PPARGC1B: variants seen among roughly 807,000 people sequenced by gnomAD.
The protein encoded by PPARGC1B is peroxisome proliferator-activated receptor gamma coactivator 1-beta.
In PPARGC1B, 34 loss-of-function variants were observed where a neutral mutation model predicts 101.6. The observed-to-expected ratio is 0.33, with a 90% CI of 0.25 to 0.45. The LOEUF (loss-of-function observed/expected upper bound fraction) is 0.45, where lower values mean the gene tolerates loss of function less well. Among genes scored for constraint, PPARGC1B ranks in the 20% least tolerant of loss-of-function variants. The probability of loss-of-function intolerance (pLI) is 1.00; values close to 1 mark genes in which losing one functional copy is unlikely to be tolerated. For missense variants in PPARGC1B, 1,234 were observed against 1,317.6 expected, an observed-to-expected ratio of 0.94 and a Z score of 0.98; for synonymous variants, 548 against 539.3, an observed-to-expected ratio of 1.02 and a Z score of -0.22.
At chr5:149,734,265 T>G (rs184244498) in intron 1 of PPARGC1B, among the ~76,000 whole-genome samples, 1 of 134,050 alleles carries the variant, frequency 7.5e-6, no homozygotes, top group Admixed American at 9.4e-5. Flanking sequence ...GAGGTTGCAG[T>G]GAGCCGAGAT....
At chr5:149,757,726 C>T (rs1380631899) in intron 1 of PPARGC1B, among the ~76,000 whole-genome samples, 1 of 152,182 alleles carries the variant, frequency 6.6e-6, no homozygotes, top group African/African-American at 2.4e-5. Context: ...AACTGGGTTG[C>T]TTAATGAAAG....
chr5:149,752,559 C>T (rs777205722), intron 1 of PPARGC1B, among the ~76,000 whole-genome samples: 3 of 152,052 alleles, frequency 2.0e-5, no homozygotes, highest in East Asian at 1.9e-4. Flanking sequence ...CCAGGCGTGG[C>T]GGCTCACGCC....
chr5:149,752,769 C>T (rs1755364470), intron 1 of PPARGC1B, among the ~76,000 whole-genome samples: 1 of 152,160 alleles, frequency 6.6e-6, no homozygotes, highest in South Asian at 2.1e-4. Context: ...ACGGAGGTTG[C>T]AGTGAGCCAA....
intron 1 of PPARGC1B, among the ~76,000 whole-genome samples, chr5:149,779,837 A>G (rs1257278662): frequency 6.6e-6 from 1 of 152,182 alleles, no homozygotes; most frequent in Non-Finnish European, 1.5e-5. Context: ...GTTGCCCAGG[A>G]TGTATCCGGG....
At chr5:149,847,187 T>C in intron 11 of PPARGC1B, 1 of 574,372 alleles carries the variant, frequency 1.7e-6, no homozygotes, top group Non-Finnish European at 3.2e-6. Flanking sequence ...TGTAGGGTGT[T>C]GGAGCTAGAA....
intron 1 of PPARGC1B, among the ~76,000 whole-genome samples, chr5:149,788,928 G>T (rs1157888125): frequency 6.6e-6 from 1 of 152,162 alleles, no homozygotes; most frequent in African/African-American, 2.4e-5. Context: ...GCCTGTTGTG[G>T]GGTGGGAGGA....
rs1408945509 is a variant in PPARGC1B at position 149,842,491 on chromosome 5, A to G, written c.2816+114A>G. The G allele has an allele frequency of 1.9e-5, 28 of 1,460,232 alleles. No homozygotes were observed. The South Asian group carries it at 3.2e-4, about 17-fold the overall frequency. 90.5% of individuals were successfully genotyped at this position (1,460,232 alleles called of 1,614,324 possible). A position where few individuals can be genotyped will look rare whatever the true frequency, so the allele number is the denominator to read the frequency against. ...TTGTGAAATGAATCTGACAAAATCCATAGCCTAGATGTGGAAAGCCAGGCC... is the reference window on the plus strand; with the variant it reads ...TTGTGAAATGAATCTGACAAAATCCGTAGCCTAGATGTGGAAAGCCAGGCC... On this transcript the variant is annotated intron_variant, in intron 10 of 11. Transcript: ENST00000309241.
At chr5:149,734,869 T>A (rs1754640634) in intron 1 of PPARGC1B, among the ~76,000 whole-genome samples, 1 of 152,202 alleles carries the variant, frequency 6.6e-6, no homozygotes, top group Non-Finnish European at 1.5e-5. Flanking sequence ...CCCCATATGA[T>A]CATGGGTGAC....
At chr5:149,823,534 G>A (rs978954588) in intron 2 of PPARGC1B, among the ~76,000 whole-genome samples, 1 of 152,130 alleles carries the variant, frequency 6.6e-6, no homozygotes, top group African/African-American at 2.4e-5. Flanking sequence ...GAAGACTGGG[G>A]GTGGGGCTGA....
At chr5:149,847,274 G>A (rs1013861151) in intron 11 of PPARGC1B, 184 bp from the exon 12 acceptor site, 10 of 727,792 alleles carry the variant, frequency 1.4e-5, no homozygotes, top group Non-Finnish European at 2.6e-5. Context: ...TGATACCATG[G>A]CCAAGATGTC....
chr5:149,769,810 G>A (rs919587691), intron 1 of PPARGC1B, among the ~76,000 whole-genome samples: 8 of 152,076 alleles, frequency 5.3e-5, no homozygotes. Flanking sequence ...TTGGCTTGTG[G>A]CCCCTTCACT....
chr5:149,783,137 C>A (rs565796756), intron 1 of PPARGC1B, among the ~76,000 whole-genome samples: 5 of 152,040 alleles, frequency 3.3e-5, no homozygotes, highest in Admixed American at 6.5e-5. Context: ...GCCTTCTTCA[C>A]CCCTGGGCCA....
intron 4 of PPARGC1B, among the ~76,000 whole-genome samples, chr5:149,831,216 G>T (rs1166214081): frequency 6.6e-6 from 1 of 152,202 alleles, no homozygotes; most frequent in Non-Finnish European, 1.5e-5. Flanking sequence ...GCTGGTTGTG[G>T]AGGCCACAGT....
At chr5:149,756,197 C>T (rs1581017589) in intron 1 of PPARGC1B, among the ~76,000 whole-genome samples, 1 of 152,078 alleles carries the variant, frequency 6.6e-6, no homozygotes, top group East Asian at 1.9e-4. Context: ...TGTGGAGGCT[C>T]ACACCTGTAA....
intron 1 of PPARGC1B, among the ~76,000 whole-genome samples, chr5:149,784,717 G>A (rs1024151917): frequency 1.3e-5 from 2 of 151,816 alleles, no homozygotes; most frequent in Admixed American, 1.3e-4. Flanking sequence ...ACAGGCGCCC[G>A]CCACCACGCC....
intron 1 of PPARGC1B, among the ~76,000 whole-genome samples, chr5:149,770,533 A>G (rs184822443): frequency 6.6e-6 from 1 of 152,308 alleles, no homozygotes; most frequent in East Asian, 1.9e-4. Context: ...TCTTAGGCTC[A>G]ATTTCTTTAC....
rs1238275791 is a variant in PPARGC1B, at chr5:149,837,453, A to G, written c.2618+380A>G. On this transcript the variant is annotated intron_variant, in intron 8 of 11. Coordinates refer to ENST00000309241, the MANE Select transcript of PPARGC1B (RefSeq NM_133263.4). This position sits in a 1 kb window ranked among gnomAD's most constrained non-coding sequence, Gnocchi z 4.2. ...TTTGTGCAAACATACCTGCCCCAAC[A>G]GTTTGAATTCTAGGGATGTTTATAA... Among the ~76,000 whole-genome samples the G allele has an allele frequency of 6.6e-6, 1 of 152,204 alleles. No homozygotes were observed. The highest frequency in any genetic ancestry group is 1.5e-5 in the Non-Finnish European group (1 of 68,040).
chr5:149,800,761 G>T (rs937007232), intron 1 of PPARGC1B, among the ~76,000 whole-genome samples: 1 of 152,178 alleles, frequency 6.6e-6, no homozygotes, highest in African/African-American at 2.4e-5. Flanking sequence ...GAGAGAAGAG[G>T]GCCAACCGAT....
chr5:149,738,253 T>C (rs1364256848), intron 1 of PPARGC1B, among the ~76,000 whole-genome samples: 1 of 151,280 alleles, frequency 6.6e-6, no homozygotes, highest in Non-Finnish European at 1.5e-5. Flanking sequence ...TCAGTCCTCA[T>C]TGAATGATTA....
Sources: allele counts gnomAD v4.1 joint callset (sites outside exome capture counted in the v4.1 genomes callset), GRCh38; gene constraint gnomAD v4.1.1; non-coding constraint Gnocchi (gnomAD v3.1); transcripts MANE v1.5; gene names NCBI Gene and HGNC (gene_info 2026-07-23, HGNC 2026-07-21).